Variants in TNFSF4 observed in about 807,000 individuals in gnomAD.
TNFSF4 encodes the protein tumor necrosis factor ligand superfamily member 4.
In TNFSF4, 4 loss-of-function variants were observed where a neutral mutation model predicts 7.3. The observed-to-expected ratio is 0.55, with a 90% CI of 0.27 to 1.25. TNFSF4 has a LOEUF of 1.25. TNFSF4 is among the 50% of genes most tolerant of loss of function. The pLI, the probability that TNFSF4 is intolerant of heterozygous loss-of-function variation, is 0.12. For synonymous variants in TNFSF4, 76 were observed against 83.7 expected, an observed-to-expected ratio of 0.91 and a Z score of 0.50; for missense variants, 181 against 208.8, an observed-to-expected ratio of 0.87 and a Z score of 0.82.
chr1:173,205,989 C>T (rs1300103233), intron 1 of TNFSF4, among the ~76,000 whole-genome samples: 1 of 152,190 alleles, frequency 6.6e-6, no homozygotes, highest in African/African-American at 2.4e-5. Context: ...CACTGAAAAC[C>T]CTATTTCCTG....
chr1:173,208,455 T>C (rs1343236224), upstream of TNFSF4, among the ~76,000 whole-genome samples: 1 of 152,174 alleles, frequency 6.6e-6, no homozygotes, highest in African/African-American at 2.4e-5. Flanking sequence ...TGAGGCATAC[T>C]TAAAAGAGAA....
chr1:173,407,817 G>C, the TNFSF4 span, among the ~76,000 whole-genome samples: 9 of 151,864 alleles, frequency 5.9e-5, no homozygotes, highest in Admixed American at 5.9e-4. Flanking sequence ...TTCTGCTATG[G>C]TTTGACAGTT....
At chr1:173,365,982 G>A in the TNFSF4 span, among the ~76,000 whole-genome samples, 2 of 152,188 alleles carry the variant, frequency 1.3e-5, no homozygotes, top group Non-Finnish European at 2.9e-5. Flanking sequence ...AATAACAAAT[G>A]CTAGTGAAGA....
Position 173,207,219 on chromosome 1 carries a change from G to A in TNFSF4, c.-43C>T, listed in dbSNP as rs1282021007. On this transcript the variant is annotated 5_prime_UTR_variant, in exon 1 of 3. Coordinates refer to ENST00000281834, the MANE Select transcript of TNFSF4 (RefSeq NM_003326.5). Reference sequence around the variant, plus strand: ...AGGGAAGATGAAGATATGGAAAAGGGGAACGTGCGATAAAACTGAAGTTTT... The same window carrying A: ...AGGGAAGATGAAGATATGGAAAAGGAGAACGTGCGATAAAACTGAAGTTTT... 1 of 1,562,672 alleles carries A rather than the reference G, an allele frequency of 6.4e-7. No individual in the cohort carries two copies. Among genetic ancestry groups the A allele is most frequent in the Non-Finnish European group, 8.7e-7 (1 of 1,143,090 alleles).
chr1:173,363,170 A>G, the TNFSF4 span: 1 of 290,220 alleles, frequency 3.4e-6, no homozygotes, highest in African/African-American at 2.3e-5. Flanking sequence ...TTATACTCCC[A>G]TTCATAAAGA....
At chr1:173,400,087 A>G in the TNFSF4 span, among the ~76,000 whole-genome samples, 53 of 152,342 alleles carry the variant, frequency 3.5e-4, no homozygotes, top group South Asian at 2.1e-3. Flanking sequence ...AAGCTTACAG[A>G]ATGACTTATC....
At chr1:173,394,167 A>C in the TNFSF4 span, among the ~76,000 whole-genome samples, 1 of 150,674 alleles carries the variant, frequency 6.6e-6, no homozygotes, top group Admixed American at 6.6e-5. Context: ...AGGATCCCTT[A>C]AGACCAGGAG....
chr1:173,387,251 C>A, the TNFSF4 span, among the ~76,000 whole-genome samples: 2 of 152,160 alleles, frequency 1.3e-5, no homozygotes, highest in African/African-American at 4.8e-5. Context: ...ATCCCCAATG[C>A]AACAGTATTA....
At chr1:173,279,404 G>C in the TNFSF4 span, among the ~76,000 whole-genome samples, 5 of 151,784 alleles carry the variant, frequency 3.3e-5, no homozygotes, top group Admixed American at 2.0e-4. Flanking sequence ...CTCAGTCCTC[G>C]TTCTTATCCA....
At chr1:173,387,353 C>A in the TNFSF4 span, among the ~76,000 whole-genome samples, 1 of 152,138 alleles carries the variant, frequency 6.6e-6, no homozygotes, top group African/African-American at 2.4e-5. Context: ...AGGGAATGGC[C>A]AGCCTTTCCC....
the TNFSF4 span, among the ~76,000 whole-genome samples, chr1:173,264,737 AAGAC>A: frequency 6.6e-6 from 1 of 152,218 alleles, no homozygotes. Flanking sequence ...GAGAAAGAGA[AAGAC>A]AGAGAGCGGG....
chr1:173,300,700 C>A, the TNFSF4 span, among the ~76,000 whole-genome samples: 1 of 151,814 alleles, frequency 6.6e-6, no homozygotes, highest in Non-Finnish European at 1.5e-5. Context: ...ACATAATTTC[C>A]AGTTTTCTAG....
At chr1:173,210,280 C>G (rs1650329394), upstream of TNFSF4, among the ~76,000 whole-genome samples, 1 of 152,170 alleles carries the variant, frequency 6.6e-6, no homozygotes. Flanking sequence ...CTGGAAAGTT[C>G]TGGGTCCTAG....
chr1:173,427,942 T>A, the TNFSF4 span, among the ~76,000 whole-genome samples: 1 of 136,038 alleles, frequency 7.4e-6, no homozygotes, highest in African/African-American at 2.8e-5. Flanking sequence ...ATCTTTCAAC[T>A]CCATTATAAT....
At chr1:173,350,838 G>A in the TNFSF4 span, among the ~76,000 whole-genome samples, 42 of 152,306 alleles carry the variant, frequency 2.8e-4, no homozygotes, top group African/African-American at 9.6e-4. Context: ...TTGGCCAGAT[G>A]TAGTCACCTG....
the TNFSF4 span, among the ~76,000 whole-genome samples, chr1:173,230,960 A>G: frequency 6.6e-6 from 1 of 152,362 alleles, no homozygotes; most frequent in South Asian, 2.1e-4. Context: ...TCAATAGCCT[A>G]CCAACCAAAA....
chr1:173,414,810 G>A, the TNFSF4 span, among the ~76,000 whole-genome samples: 1 of 152,162 alleles, frequency 6.6e-6, no homozygotes, highest in East Asian at 1.9e-4. Flanking sequence ...TAGCAGCTTG[G>A]GTCCTGTGTT....
chr1:173,221,530 G>A, the TNFSF4 span, among the ~76,000 whole-genome samples: 5 of 152,328 alleles, frequency 3.3e-5, no homozygotes, highest in East Asian at 5.8e-4. Context: ...GATACGGTAA[G>A]TAATGGAAAT....
At chr1:173,312,647 C>G in the TNFSF4 span, among the ~76,000 whole-genome samples, 1 of 152,068 alleles carries the variant, frequency 6.6e-6, no homozygotes, top group Non-Finnish European at 1.5e-5. Context: ...TACCACCAGT[C>G]CCTCTCCCCC....
Sources: allele counts gnomAD v4.1 joint callset (sites outside exome capture counted in the v4.1 genomes callset), GRCh38; gene constraint gnomAD v4.1.1; transcripts MANE v1.5; gene names NCBI Gene and HGNC (gene_info 2026-07-23, HGNC 2026-07-21).